Variants in RUNX2 observed in about 807,000 individuals in gnomAD.
RUNX2 encodes the protein runt-related transcription factor 2.
Under a neutral mutation model 51.7 loss-of-function variants are expected in RUNX2, and 10 were observed. The observed-to-expected ratio is 0.19, with a 90% CI of 0.12 to 0.33. The LOEUF (loss-of-function observed/expected upper bound fraction) is 0.33, where lower values mean the gene tolerates loss of function less well. Ranked by LOEUF, RUNX2 falls within the 10% of genes least tolerant of loss-of-function variation. RUNX2 has a pLI of 1.00. For synonymous variants in RUNX2, 276 were observed against 273.6 expected (o/e 1.01, Z -0.09); for missense variants, 562 against 691.3 (o/e 0.81, Z 2.10).
At chr6:45,367,549 A>G (rs1245606930) in intron 2 of RUNX2, among the ~76,000 whole-genome samples, 1 of 152,190 alleles carries the variant, frequency 6.6e-6, no homozygotes, top group Non-Finnish European at 1.5e-5. Context: ...AAAATGCGAA[A>G]AAAAGGAGCC....
chr6:45,337,888 A>G (rs940363376), intron 2 of RUNX2, among the ~76,000 whole-genome samples: 2 of 151,984 alleles, frequency 1.3e-5, no homozygotes, highest in Non-Finnish European at 1.5e-5. Context: ...TTAGAGAAAA[A>G]GTATATTTAA....
chr6:45,400,119 G>A (rs1265166765), intron 2 of RUNX2, among the ~76,000 whole-genome samples: 1 of 134,938 alleles, frequency 7.4e-6, no homozygotes, highest in Non-Finnish European at 1.6e-5. Context: ...AGGAAAGGAG[G>A]AGGGAGGGAA....
chr6:45,505,360 C>CT lies in RUNX2; in HGVS notation c.860-6870dup, dbSNP rs1203690597. On this transcript the variant is annotated intron_variant, in intron 6 of 8. Coordinates refer to ENST00000647337, the MANE Select transcript of RUNX2 (RefSeq NM_001024630.4). The stretch of plus-strand genomic sequence containing the variant: ...GAGTCAGTTCATTTTCCTGGGATGC[C>CT]TTTTTTTTTTTTTTTTCTTTTCTGC... 6.3e-3 allele frequency among the ~76,000 whole-genome samples: 885 copies of CT among 139,794 alleles called. 3 individuals are homozygous for CT. The highest frequency in any genetic ancestry group is 0.011 in the Middle Eastern group (3 of 264). 91.7% of individuals were successfully genotyped at this position (139,794 alleles called of 152,430 possible). A position where few individuals can be genotyped will look rare whatever the true frequency, so the allele number is the denominator to read the frequency against.
chr6:45,454,899 A>C (rs1799277751), intron 5 of RUNX2, among the ~76,000 whole-genome samples: 1 of 152,266 alleles, frequency 6.6e-6, no homozygotes. Flanking sequence ...GGATCACTTG[A>C]GGTCAGGAGT....
chr6:45,444,483 T>C (rs975414372), intron 5 of RUNX2, among the ~76,000 whole-genome samples: 1 of 152,218 alleles, frequency 6.6e-6, no homozygotes, highest in Non-Finnish European at 1.5e-5. Context: ...CTTGTCTTTG[T>C]GTGTAGCTTC....
chr6:45,393,937 T>TA, intron 2 of RUNX2, among the ~76,000 whole-genome samples: 1 of 151,056 alleles, frequency 6.6e-6, no homozygotes, highest in East Asian at 2.0e-4. Context: ...CTTTTTTTTT[T>TA]TTTTGAGACC....
rs528799791 is a variant in RUNX2, at chr6:45,370,118, A to G, written c.58+41334A>G. Among the ~76,000 whole-genome samples, 40 of 152,328 alleles carry G rather than the reference A, an allele frequency of 2.6e-4. No homozygotes were observed. In the East Asian group the frequency reaches 7.3e-3, roughly 28 times the overall value. Reference sequence around the variant, plus strand: ...ATAACTCCAGCAGCTGGGAGAATATACTATATGGAAGCAAGAGTGCAATCA... The same window carrying G: ...ATAACTCCAGCAGCTGGGAGAATATGCTATATGGAAGCAAGAGTGCAATCA... On this transcript the variant is annotated intron_variant, in intron 2 of 8. Transcript: ENST00000647337.
At chr6:45,532,162 ATTTTTTTTTTTT>A (rs3055521) in intron 7 of RUNX2, among the ~76,000 whole-genome samples, 1 of 85,120 alleles carries the variant, frequency 1.2e-5, no homozygotes, top group Non-Finnish European at 2.2e-5. Flanking sequence ...GAAAACCTAG[ATTTTTTTTTTTT>A]TTTTTTTTTT....
intron 2 of RUNX2, among the ~76,000 whole-genome samples, chr6:45,407,785 C>G (rs912810607): frequency 6.6e-6 from 1 of 152,164 alleles, no homozygotes; most frequent in Non-Finnish European, 1.5e-5. Context: ...TAGGCATGAG[C>G]CACTGTGTCC....
intron 2 of RUNX2, among the ~76,000 whole-genome samples, chr6:45,341,560 G>GA (rs1789779460): frequency 6.6e-6 from 1 of 152,090 alleles, no homozygotes; most frequent in Non-Finnish European, 1.5e-5. Flanking sequence ...GTTTTCATTA[G>GA]AAACATCCAC....
At chr6:45,336,822 T>C in intron 2 of RUNX2, among the ~76,000 whole-genome samples, 1 of 151,524 alleles carries the variant, frequency 6.6e-6, no homozygotes, top group South Asian at 2.1e-4. Context: ...TCTACCTCTG[T>C]TTTAAACTTT....
At chr6:45,354,308 CAT>C (rs1366536921) in intron 2 of RUNX2, among the ~76,000 whole-genome samples, 1 of 151,908 alleles carries the variant, frequency 6.6e-6, no homozygotes, top group African/African-American at 2.4e-5. Context: ...GATCTGATAA[CAT>C]AGTTGTTCAC....
chr6:45,389,305 AC>A (rs1436537012), intron 2 of RUNX2, among the ~76,000 whole-genome samples: 1 of 152,210 alleles, frequency 6.6e-6, no homozygotes, highest in African/African-American at 2.4e-5. Flanking sequence ...AATATTTGGA[AC>A]CTAACTTGGA....
chr6:45,377,404 T>C (rs1462966937), intron 2 of RUNX2: 1 of 151,906 alleles, frequency 6.6e-6, no homozygotes, highest in Non-Finnish European at 1.5e-5. Flanking sequence ...AAAGCAACAA[T>C]TTCCCTCTTT....
At chr6:45,487,783 A>G (rs1336400014) in intron 5 of RUNX2, among the ~76,000 whole-genome samples, 1 of 152,222 alleles carries the variant, frequency 6.6e-6, no homozygotes. Flanking sequence ...CTAGGTTGTG[A>G]GATTATAGCT....
At chr6:45,418,671 AG>A (rs767509846) in intron 2 of RUNX2, among the ~76,000 whole-genome samples, 51 of 152,368 alleles carry the variant, frequency 3.3e-4, no homozygotes, top group Admixed American at 8.5e-4. Flanking sequence ...CATAATGCTC[AG>A]AGCCAAGACA....
intron 5 of RUNX2, among the ~76,000 whole-genome samples, chr6:45,464,998 G>C (rs920412825): frequency 1.3e-5 from 2 of 152,174 alleles, no homozygotes; most frequent in Admixed American, 6.5e-5. Flanking sequence ...GTATATACAA[G>C]ATTTGCCATC....
chr6:45,329,398 G>A (rs2150070509), intron 2 of RUNX2, among the ~76,000 whole-genome samples: 1 of 151,962 alleles, frequency 6.6e-6, no homozygotes, highest in South Asian at 2.1e-4. Context: ...ATAAAATTAT[G>A]ATAAGCACAT....
At chr6:45,431,797 A>G (rs1164556863) in intron 3 of RUNX2, 66 bp from the exon 4 acceptor site, 10 of 1,542,852 alleles carry the variant, frequency 6.5e-6, no homozygotes, top group Non-Finnish European at 9.0e-6. Flanking sequence ...TTGCAATGAG[A>G]ATATATTCTG....
Sources: allele counts gnomAD v4.1 joint callset (sites outside exome capture counted in the v4.1 genomes callset), GRCh38; gene constraint gnomAD v4.1.1; transcripts MANE v1.5; gene names NCBI Gene and HGNC (gene_info 2026-07-23, HGNC 2026-07-21).